Variants in DNAI2 observed in about 807,000 individuals in gnomAD.
The protein encoded by DNAI2 is dynein axonemal intermediate chain 2, also known as dynein, axonemal, intermediate polypeptide 2.
Under a neutral mutation model 74.7 loss-of-function variants are expected in DNAI2, and 63 were observed. The observed-to-expected ratio is 0.84, with a 90% confidence interval of 0.69 to 1.04. DNAI2 has a LOEUF of 1.04. DNAI2 is among the 50% of genes least tolerant of loss of function. The pLI is 0.00. For synonymous variants in DNAI2, 289 were observed against 314.9 expected, an observed-to-expected ratio of 0.92 and a Z score of 0.87; for missense variants, 688 against 803.2, an observed-to-expected ratio of 0.86 and a Z score of 1.73.
Position 74,312,158 on chromosome 17 carries a change from G to A in DNAI2, c.1650G>A (p.Glu550=), listed in dbSNP as rs760520336. Residue 550 remains glutamate, a synonymous_variant, in exon 12 of 14, where the codon GAG becomes GAA. Transcript: ENST00000311014. The part of the protein sequence containing the change: ...DLEALVSKAE[E]EFFDIIFAEL... ...AGGCGCTGGTCAGCAAGGCCGAGGAGGAGTTCTTCGACATCATCTTCGCAG... is the reference window on the plus strand; with the variant it reads ...AGGCGCTGGTCAGCAAGGCCGAGGAAGAGTTCTTCGACATCATCTTCGCAG... 1.6e-5 allele frequency: 26 copies of A among 1,613,224 alleles called. No individual in the cohort carries two copies. The South Asian group carries it at 2.4e-4, about 15-fold the overall frequency.
intron 11 of DNAI2, among the ~76,000 whole-genome samples, chr17:74,310,596 T>C (rs2053469651): frequency 6.6e-6 from 1 of 151,552 alleles, no homozygotes; most frequent in African/African-American, 2.4e-5. Context: ...TGGAGTGCAA[T>C]GGTGAGATCT....
intron 11 of DNAI2, among the ~76,000 whole-genome samples, chr17:74,311,728 G>A (rs1421350641): frequency 3.3e-5 from 5 of 152,206 alleles, no homozygotes; most frequent in South Asian, 2.1e-4. Context: ...GGCCAAAGCC[G>A]CCATATTTCA....
intron 2 of DNAI2, 64 bp from the exon 3 acceptor site, chr17:74,284,976 G>T: frequency 6.2e-7 from 1 of 1,609,494 alleles, no homozygotes; most frequent in South Asian, 1.1e-5. Flanking sequence ...CTGGCTTGCA[G>T]AAGTGGCCGA....
intron 12 of DNAI2, chr17:74,313,903 C>T (rs1230742863): frequency 3.2e-6 from 2 of 617,642 alleles, no homozygotes; most frequent in East Asian, 3.2e-5. Flanking sequence ...AGAAGCCAGG[C>T]GTGAACCCAA....
At chr17:74,314,370 A>C (rs1598354200) in intron 13 of DNAI2, 99 bp downstream of exon 13, 1 of 1,472,314 alleles carries the variant, frequency 6.8e-7, no homozygotes, top group Non-Finnish European at 9.4e-7. Context: ...CAGCCCCTAC[A>C]AATCACTAGC....
intron 6 of DNAI2, among the ~76,000 whole-genome samples, chr17:74,297,834 G>A (rs1407661932): frequency 5.3e-5 from 8 of 152,076 alleles, no homozygotes; most frequent in East Asian, 1.9e-4. Context: ...GACCCTGGGC[G>A]TAAAAAGCAT....
chr17:74,293,927 G>A (rs1179277023), intron 6 of DNAI2, among the ~76,000 whole-genome samples: 1 of 151,606 alleles, frequency 6.6e-6, no homozygotes, highest in African/African-American at 2.4e-5. Flanking sequence ...GGGATTACAG[G>A]TGCATGCCAC....
At chr17:74,308,113 G>C (rs759424350) in intron 9 of DNAI2, among the ~76,000 whole-genome samples, 5 of 152,112 alleles carry the variant, frequency 3.3e-5, no homozygotes, top group African/African-American at 4.8e-5. Flanking sequence ...CCTTTCTTTA[G>C]TCTTGATCAT....
chr17:74,275,917 G>A (rs1216285732), intron 1 of DNAI2, among the ~76,000 whole-genome samples: 5 of 152,128 alleles, frequency 3.3e-5, no homozygotes, highest in East Asian at 3.9e-4. Flanking sequence ...AAAGAGGGAA[G>A]GAAGTCCTCT....
In DNAI2 at chr17:74,301,170, T is replaced by C; in HGVS notation, c.987+2T>C. The C allele has an allele frequency of 1.9e-6, 3 of 1,613,528 alleles. No individual in the cohort carries two copies. The highest frequency in any genetic ancestry group is 2.5e-6 in the Non-Finnish European group (3 of 1,179,656). On this transcript the variant is annotated splice_donor_variant, in intron 8 of 13. Coordinates refer to ENST00000311014, the MANE Select transcript of DNAI2 (RefSeq NM_023036.6). LOFTEE classifies it high-confidence loss of function. The stretch of plus-strand genomic sequence containing the variant: ...TCCCTGGAGTTCGAATCTACTTTGG[T>C]GAGTGTCCCTTGCTGTCCCTTCCCC...
intron 9 of DNAI2, among the ~76,000 whole-genome samples, chr17:74,308,759 C>T (rs185783189): frequency 1.3e-5 from 2 of 152,080 alleles, no homozygotes; most frequent in African/African-American, 4.8e-5. Flanking sequence ...TGGCTTCAAG[C>T]GATCTTCCTG....
rs867676683 is a variant in DNAI2 at position 74,302,074 on chromosome 17, G to A, written c.987+906G>A. ...AGGAAGGAAGGAAGGAAGGAAAGAA[G>A]GAAGGAAGGAAGGAAGGAAGGAAGG... On this transcript the variant is annotated intron_variant, in intron 8 of 13. Transcript: ENST00000311014. Among the ~76,000 whole-genome samples, 30 of 57,846 alleles carry A rather than the reference G, an allele frequency of 5.2e-4. 1 individual carries two copies. The highest frequency in any genetic ancestry group is 1.5e-3 in the African/African-American group (19 of 12,334). 37.9% of individuals were successfully genotyped at this position (57,846 alleles called of 152,430 possible).
rs567025080 is a variant in DNAI2 at position 74,291,965 on chromosome 17, G to A, written c.724+832G>A. Among the ~76,000 whole-genome samples, 4 of 152,146 alleles carry A rather than the reference G, an allele frequency of 2.6e-5. No individual in the cohort carries two copies. In the East Asian group the frequency reaches 5.8e-4, roughly 22 times the overall value. ...TGCAGCCTCCACCTCTCGGATTCAAGTGATTCTCCTGCCTCAGCCTCCTGA... is the reference window on the plus strand; with the variant it reads ...TGCAGCCTCCACCTCTCGGATTCAAATGATTCTCCTGCCTCAGCCTCCTGA... On this transcript the variant is annotated intron_variant, in intron 6 of 13. Coordinates refer to ENST00000311014, the MANE Select transcript of DNAI2 (RefSeq NM_023036.6).
chr17:74,291,958 G>T (rs773735578), intron 6 of DNAI2, among the ~76,000 whole-genome samples: 1 of 152,082 alleles, frequency 6.6e-6, no homozygotes, highest in Non-Finnish European at 1.5e-5. Context: ...CCACCTCTCG[G>T]ATTCAAGTGA....
chr17:74,285,686 T>A (rs1160197129), intron 3 of DNAI2, among the ~76,000 whole-genome samples: 1 of 151,932 alleles, frequency 6.6e-6, no homozygotes, highest in African/African-American at 2.4e-5. Flanking sequence ...GAGATTGCAG[T>A]CCATTGGAGG....
chr17:74,308,275 G>A (rs1212039486), intron 9 of DNAI2, among the ~76,000 whole-genome samples: 1 of 152,178 alleles, frequency 6.6e-6, no homozygotes, highest in Non-Finnish European at 1.5e-5. Flanking sequence ...GCTGCACTGT[G>A]TGTGTGTCCC....
At chr17:74,311,946 A>T in intron 11 of DNAI2, 57 bp from the exon 12 acceptor site, 1 of 1,547,672 alleles carries the variant, frequency 6.5e-7, no homozygotes, top group Non-Finnish European at 8.8e-7. Context: ...CCAGCACTGG[A>T]GTCGCTTGCC....
chr17:74,305,791 C>A (rs1253190339), intron 9 of DNAI2, among the ~76,000 whole-genome samples: 1 of 151,362 alleles, frequency 6.6e-6, no homozygotes, highest in African/African-American at 2.4e-5. Context: ...CCTGCCTCAG[C>A]CTCCTGAGTA....
In DNAI2 at chr17:74,313,022, T is replaced by C. The variant is rs148076276; in HGVS notation, c.1722+792T>C. ...CTGCAGACTTGGGGATTGCAGGCAC[T>C]GCAAAATGAAAATGTGAGGGCCCTC... On this transcript the variant is annotated intron_variant, in intron 12 of 13. Coordinates refer to ENST00000311014, the MANE Select transcript of DNAI2 (RefSeq NM_023036.6). Among the ~76,000 whole-genome samples, 292 of 152,368 alleles carry C rather than the reference T, an allele frequency of 1.9e-3. 4 individuals are homozygous for C. Among genetic ancestry groups the C allele is most frequent in the African/African-American group, 6.8e-3 (284 of 41,590 alleles).
Sources: allele counts gnomAD v4.1 joint callset (sites outside exome capture counted in the v4.1 genomes callset), GRCh38; gene constraint gnomAD v4.1.1; transcripts MANE v1.5; gene names NCBI Gene and HGNC (gene_info 2026-07-23, HGNC 2026-07-21).